NPAS3: variants seen among roughly 807,000 people sequenced by gnomAD.
The protein encoded by NPAS3 is neuronal PAS domain protein 3, also known as neuronal PAS domain-containing protein 3.
A neutral mutation model predicts 73.1 loss-of-function variants in NPAS3; 14 were observed. That is an observed-to-expected ratio of 0.19 (90% CI 0.13 to 0.30). The LOEUF is 0.30. Among genes scored for constraint, NPAS3 ranks in the 10% least tolerant of loss-of-function variants. The probability of loss-of-function intolerance (pLI) is 1.00; values close to 1 mark genes in which losing one functional copy is unlikely to be tolerated. For synonymous variants in NPAS3, 620 were observed against 541.5 expected (o/e 1.14, Z -2.01); for missense variants, 1,096 against 1,250.0 (o/e 0.88, Z 1.86).
At chr14:33,374,350 C>A (rs1048822336) in intron 4 of NPAS3, among the ~76,000 whole-genome samples, 2 of 152,056 alleles carry the variant, frequency 1.3e-5, no homozygotes, top group Non-Finnish European at 2.9e-5. Flanking sequence ...TTCTACGTTT[C>A]TTCTGTTAAT....
intron 4 of NPAS3, among the ~76,000 whole-genome samples, chr14:33,413,536 C>G (rs576614186): frequency 6.6e-6 from 1 of 152,086 alleles, no homozygotes; most frequent in South Asian, 2.1e-4. Flanking sequence ...TATCTTTGAG[C>G]GTGTGGGGCA....
At chr14:33,706,521 C>T (rs1383405350) in intron 6 of NPAS3, among the ~76,000 whole-genome samples, 6 of 152,216 alleles carry the variant, frequency 3.9e-5, no homozygotes, top group East Asian at 1.9e-4. Context: ...AAGATAGAAA[C>T]GTCTGACAAA....
intron 1 of NPAS3, among the ~76,000 whole-genome samples, chr14:33,022,554 G>A (rs1032501773): frequency 4.6e-5 from 7 of 151,558 alleles, no homozygotes; most frequent in East Asian, 3.9e-4. Flanking sequence ...AGTCCTAGCT[G>A]CTCTGGAGGC....
intron 2 of NPAS3, among the ~76,000 whole-genome samples, chr14:33,122,176 T>C (rs1176057598): frequency 2.6e-5 from 4 of 152,192 alleles, no homozygotes; most frequent in Admixed American, 6.5e-5. Context: ...GCCTTTCTGA[T>C]TCTGGAGCAG....
chr14:33,002,212 G>A (rs2038833522), intron 1 of NPAS3, among the ~76,000 whole-genome samples: 1 of 152,152 alleles, frequency 6.6e-6, no homozygotes, highest in African/African-American at 2.4e-5. Flanking sequence ...CGATAGTTAA[G>A]ATCCATAAGA....
chr14:33,477,780 C>T (rs1342237860), intron 4 of NPAS3, among the ~76,000 whole-genome samples: 1 of 152,164 alleles, frequency 6.6e-6, no homozygotes. Context: ...AAAGAGTTTG[C>T]CATTGGACAT....
rs188376773 is a variant in NPAS3 at position 33,204,554 on chromosome 14, C to T, written c.141-10628C>T. 4.6e-5 allele frequency among the ~76,000 whole-genome samples: 7 copies of T among 152,118 alleles called. No homozygotes were observed. The South Asian group carries it at 8.3e-4, about 18-fold the overall frequency. ...GTTGATTTGTATACGTTTTCTCCTC[C>T]GTAAGAGCCTGTAGCTGCCGTCAGG... On this transcript the variant is annotated intron_variant, in intron 2 of 11. Coordinates refer to ENST00000356141, the Ensembl canonical transcript of NPAS3.
intron 2 of NPAS3, among the ~76,000 whole-genome samples, chr14:33,206,771 G>C (rs1329824308): frequency 6.6e-6 from 1 of 152,136 alleles, no homozygotes; most frequent in African/African-American, 2.4e-5. Context: ...TCCTGTTATT[G>C]ATATTATGAA....
intron 1 of NPAS3, among the ~76,000 whole-genome samples, chr14:32,960,107 G>A (rs946960238): frequency 6.6e-6 from 1 of 151,014 alleles, no homozygotes; most frequent in Non-Finnish European, 1.5e-5. Context: ...TTGGTTATAT[G>A]ATAGTAATAA....
At position 33,459,053 on chromosome 14, in the gene NPAS3, C is replaced by T. The variant is rs969019076; in HGVS notation, c.468+91785C>T. Among the ~76,000 whole-genome samples the T allele has an allele frequency of 5.3e-5, 8 of 152,218 alleles. No homozygotes were observed. In the South Asian group the frequency reaches 1.7e-3, roughly 32 times the overall value. ...CTAAACAAGGGGTGGATTATTCATG[C>T]CTTCCCTTTTTAGACCATATAGGGT... On this transcript the variant is annotated intron_variant, in intron 4 of 11. Transcript: ENST00000356141.
rs546754242 is a variant in NPAS3, at chr14:33,696,892, A to G, written c.733+20507A>G. Reference sequence around the variant, plus strand: ...TCTGCTGAACATGCGCTGCAAAAGCATTACTTACTTCTGAGTTGCCCAAAT... The same window carrying G: ...TCTGCTGAACATGCGCTGCAAAAGCGTTACTTACTTCTGAGTTGCCCAAAT... On this transcript the variant is annotated intron_variant, in intron 6 of 11. Coordinates refer to ENST00000356141, the Ensembl canonical transcript of NPAS3. Among the ~76,000 whole-genome samples, 133 of 152,334 alleles carry G rather than the reference A, an allele frequency of 8.7e-4. 1 individual carries two copies. The highest frequency in any genetic ancestry group is 1.6e-3 in the Admixed American group (24 of 15,304).
At chr14:33,627,969 C>G (rs111977783) in intron 5 of NPAS3, among the ~76,000 whole-genome samples, 1 of 152,124 alleles carries the variant, frequency 6.6e-6, no homozygotes, top group Non-Finnish European at 1.5e-5. Context: ...CCCAAAAATG[C>G]AAACATGGTG....
chr14:33,173,462 T>C (rs2045470519), intron 2 of NPAS3, among the ~76,000 whole-genome samples: 1 of 152,162 alleles, frequency 6.6e-6, no homozygotes, highest in Non-Finnish European at 1.5e-5. Flanking sequence ...TAGAGATAAA[T>C]TGCATAATAA....
chr14:33,517,481 G>A (rs953961318), intron 4 of NPAS3, among the ~76,000 whole-genome samples: 1 of 152,058 alleles, frequency 6.6e-6, no homozygotes, highest in Non-Finnish European at 1.5e-5. Flanking sequence ...TGACAATATA[G>A]CAATGGAGCT....
At chr14:33,248,197 G>A (rs896929826) in intron 3 of NPAS3, among the ~76,000 whole-genome samples, 2 of 152,118 alleles carry the variant, frequency 1.3e-5, no homozygotes, top group Non-Finnish European at 2.9e-5. Context: ...CTTCCTAAAG[G>A]CAACATAACT....
chr14:33,281,394 G>A (rs1341103459), intron 3 of NPAS3, among the ~76,000 whole-genome samples: 2 of 152,176 alleles, frequency 1.3e-5, no homozygotes, highest in Non-Finnish European at 2.9e-5. Context: ...ACTTTGGGAG[G>A]ACAAGGCAGG....
intron 1 of NPAS3, among the ~76,000 whole-genome samples, chr14:33,019,157 T>C (rs1307871368): frequency 1.3e-5 from 2 of 152,208 alleles, no homozygotes; most frequent in Non-Finnish European, 2.9e-5. Context: ...GTTTGATTCG[T>C]ACCTCGCCTC....
chr14:33,493,488 C>G (rs1250637535), intron 4 of NPAS3, among the ~76,000 whole-genome samples: 2 of 152,086 alleles, frequency 1.3e-5, no homozygotes, highest in African/African-American at 4.8e-5. Context: ...AAGGAACTTT[C>G]TCACCGATCT....
chr14:33,185,026 A>G (rs1449038170), intron 2 of NPAS3, among the ~76,000 whole-genome samples: 1 of 152,168 alleles, frequency 6.6e-6, no homozygotes, highest in Non-Finnish European at 1.5e-5. Flanking sequence ...TGAATGAATG[A>G]ATGAATGAAT....
Sources: allele counts gnomAD v4.1 joint callset (sites outside exome capture counted in the v4.1 genomes callset), GRCh38; gene constraint gnomAD v4.1.1; transcripts MANE v1.5; gene names NCBI Gene and HGNC (gene_info 2026-07-23, HGNC 2026-07-21).